The following AFG1L variants were observed in gnomAD, a reference collection of about 807,000 sequenced individuals.
AFG1L encodes the protein AFG1 like ATPase, also known as AFG1-like ATPase.
AFG1L carries 53 observed loss-of-function variants against 62.2 expected under a neutral mutation model. That is an observed-to-expected ratio of 0.85 (90% confidence interval 0.68 to 1.07). The LOEUF is 1.07. Among genes scored for constraint, AFG1L ranks in the 50% least tolerant of loss-of-function variants. The pLI is 0.00. For missense variants in AFG1L, 555 were observed against 590.5 expected (o/e 0.94, Z 0.62); for synonymous variants, 228 against 210.3 (o/e 1.08, Z -0.73).
At chr6:108,306,473 A>G (rs552916578) in intron 1 of AFG1L, among the ~76,000 whole-genome samples, 3 of 152,308 alleles carry the variant, frequency 2.0e-5, no homozygotes, top group African/African-American at 4.8e-5. Flanking sequence ...CTCTTTTAAC[A>G]TATCAAGACT....
intron 10 of AFG1L, among the ~76,000 whole-genome samples, chr6:108,507,921 G>T (rs755965395): frequency 5.3e-5 from 8 of 152,046 alleles, no homozygotes; most frequent in Non-Finnish European, 8.8e-5. Context: ...CTGATTTAGG[G>T]TCTTGGATTC....
At chr6:108,463,286 C>CAA (rs56937746) in intron 8 of AFG1L, among the ~76,000 whole-genome samples, 139 of 40,428 alleles carry the variant, frequency 3.4e-3, no homozygotes, top group Middle Eastern at 0.014. Flanking sequence ...GAGACTCTGT[C>CAA]AAAAAAAAAA....
At chr6:108,339,154 CTTT>C (rs1167540040) in intron 2 of AFG1L, among the ~76,000 whole-genome samples, 2 of 140,212 alleles carry the variant, frequency 1.4e-5, no homozygotes, top group Non-Finnish European at 1.6e-5. Flanking sequence ...AAAATAAACT[CTTT>C]TTTTTTTTTT....
chr6:108,462,414 C>CAA (rs200762185), intron 8 of AFG1L, among the ~76,000 whole-genome samples: 5 of 149,684 alleles, frequency 3.3e-5, no homozygotes, highest in South Asian at 2.1e-4. Flanking sequence ...AAAAAACAAA[C>CAA]AAAAAAAAAC....
chr6:108,451,499 T>G (rs1472424921), intron 8 of AFG1L, among the ~76,000 whole-genome samples: 1 of 152,162 alleles, frequency 6.6e-6, no homozygotes, highest in Non-Finnish European at 1.5e-5. Flanking sequence ...CTAGAGTACC[T>G]TCGTAAGTAA....
intron 5 of AFG1L, among the ~76,000 whole-genome samples, chr6:108,362,329 A>G (rs1024224405): frequency 2.0e-5 from 3 of 151,972 alleles, no homozygotes; most frequent in African/African-American, 4.8e-5. Context: ...TTTATGAACT[A>G]TTTGAGGTAT....
At chr6:108,496,395 G>A (rs566656337) in intron 10 of AFG1L, among the ~76,000 whole-genome samples, 12 of 152,196 alleles carry the variant, frequency 7.9e-5, no homozygotes, top group Non-Finnish European at 1.6e-4. Flanking sequence ...GCAAAACTCT[G>A]TTCCCTAGTC....
chr6:108,428,778 T>C (rs908467551), intron 7 of AFG1L, among the ~76,000 whole-genome samples: 1 of 152,306 alleles, frequency 6.6e-6, no homozygotes, highest in Admixed American at 6.5e-5. Context: ...CGTGTTATTT[T>C]TCAACTTTTG....
At chr6:108,487,998 G>T (rs1186140998) in intron 10 of AFG1L, among the ~76,000 whole-genome samples, 3 of 152,176 alleles carry the variant, frequency 2.0e-5, no homozygotes, top group Non-Finnish European at 4.4e-5. Flanking sequence ...AGTATACTCT[G>T]GGAGAGGTTG....
At chr6:108,505,649 T>C (rs1192580930) in intron 10 of AFG1L, among the ~76,000 whole-genome samples, 2 of 152,106 alleles carry the variant, frequency 1.3e-5, no homozygotes, top group African/African-American at 4.8e-5. Flanking sequence ...AAGAGACATC[T>C]CAACCTTGAA....
At chr6:108,297,785 G>C (rs1452394028) in intron 1 of AFG1L, among the ~76,000 whole-genome samples, 1 of 150,432 alleles carries the variant, frequency 6.6e-6, no homozygotes, top group Non-Finnish European at 1.5e-5. Flanking sequence ...AGCCCAGGAA[G>C]TCGAGGCTGC....
intron 10 of AFG1L, among the ~76,000 whole-genome samples, chr6:108,507,407 G>A (rs190980107): frequency 1.3e-5 from 2 of 152,286 alleles, no homozygotes; most frequent in East Asian, 3.9e-4. Context: ...TTTTCTTTAT[G>A]TGAATGAGCA....
intron 11 of AFG1L, among the ~76,000 whole-genome samples, chr6:108,513,183 T>C (rs965444569): frequency 3.3e-5 from 5 of 152,220 alleles, no homozygotes; most frequent in African/African-American, 1.2e-4. Context: ...GCTCCCAGCA[T>C]GAGCGACGCA....
intron 1 of AFG1L, among the ~76,000 whole-genome samples, chr6:108,312,130 G>A (rs1232082742): frequency 2.0e-5 from 3 of 152,212 alleles, no homozygotes; most frequent in African/African-American, 4.8e-5. Flanking sequence ...CTCCCAAAGT[G>A]TTGGGATTAC....
At chr6:108,506,213 T>C (rs1562201406) in intron 10 of AFG1L, among the ~76,000 whole-genome samples, 1 of 146,872 alleles carries the variant, frequency 6.8e-6, no homozygotes, top group East Asian at 1.9e-4. Context: ...CCCATATTTT[T>C]TGTTTGTTTG....
intron 7 of AFG1L, among the ~76,000 whole-genome samples, chr6:108,440,961 T>C (rs1771522146): frequency 6.6e-6 from 1 of 152,234 alleles, no homozygotes; most frequent in Non-Finnish European, 1.5e-5. Flanking sequence ...GCCTATTTAA[T>C]ATAGTCACTT....
chr6:108,305,744 CT>C (rs1163191692), intron 1 of AFG1L, among the ~76,000 whole-genome samples: 1 of 152,120 alleles, frequency 6.6e-6, no homozygotes, highest in African/African-American at 2.4e-5. Context: ...TGAATTACTT[CT>C]TTTGCCATTA....
intron 1 of AFG1L, among the ~76,000 whole-genome samples, chr6:108,297,202 ATT>A (rs1776796688): frequency 6.6e-6 from 1 of 151,876 alleles, no homozygotes; most frequent in Non-Finnish European, 1.5e-5. Context: ...CACCTCCTGG[ATT>A]CAAGCAATTC....
At chr6:108,413,625 A>G (rs1192909013) in intron 7 of AFG1L, among the ~76,000 whole-genome samples, 1 of 152,094 alleles carries the variant, frequency 6.6e-6, no homozygotes, top group African/African-American at 2.4e-5. Context: ...ACTCAAAACC[A>G]CTCAAGTACA....
Sources: allele counts gnomAD v4.1 joint callset (sites outside exome capture counted in the v4.1 genomes callset), GRCh38; gene constraint gnomAD v4.1.1; transcripts MANE v1.5; gene names NCBI Gene and HGNC (gene_info 2026-07-23, HGNC 2026-07-21).